The following STAB1 variants were observed in gnomAD, a reference collection of about 807,000 sequenced individuals.
STAB1 encodes the protein stabilin-1.
In STAB1, 250 loss-of-function variants were observed where a neutral mutation model predicts 332.4. The observed-to-expected ratio is 0.75, with a 90% CI of 0.68 to 0.84. STAB1 has a LOEUF of 0.84. Ranked by LOEUF, STAB1 falls within the 40% of genes least tolerant of loss-of-function variation. The probability of loss-of-function intolerance (pLI) is 0.00; values close to 1 mark genes in which losing one functional copy is unlikely to be tolerated. For synonymous variants in STAB1, 1,475 were observed against 1,390.4 expected, an observed-to-expected ratio of 1.06 and a Z score of -1.35; for missense variants, 3,249 against 3,489.7, an observed-to-expected ratio of 0.93 and a Z score of 1.74.
chr3:52,504,181 G>T (rs376558731), intron 10 of STAB1, 26 bp downstream of exon 10: 68 of 1,569,544 alleles, frequency 4.3e-5, no homozygotes, highest in Admixed American at 8.9e-5. Flanking sequence ...GCTTGCCCAC[G>T]ACCCGACCCC....
chr3:52,522,149 G>C lies in STAB1; in HGVS notation c.6384G>C (p.Trp2128Cys). The C allele has an allele frequency of 6.2e-7, 1 of 1,612,824 alleles. No individual in the cohort carries two copies. Among genetic ancestry groups the C allele is most frequent in the Non-Finnish European group, 8.5e-7 (1 of 1,179,998 alleles). ...TCLPDYEGDG[W>C]SCRARNPCTD... is the part of the protein sequence containing the mutation. ...TGCCCGACTACGAGGGTGATGGCTGGAGCTGCCGGGCCCGCAACCCCTGCA... is the reference window on the plus strand; with the variant it reads ...TGCCCGACTACGAGGGTGATGGCTGCAGCTGCCGGGCCCGCAACCCCTGCA... The change falls in exon 59 of 69, where the codon TGG becomes TGC. Residue 2128 changes from tryptophan (W) to cysteine (C), a missense_variant. Transcript: ENST00000321725.
In STAB1 at chr3:52,514,484, CCA is replaced by C; in HGVS notation, c.3669_3670del (p.His1223GlnfsTer5). 6.6e-7 allele frequency: 1 copy of C among 1,526,534 alleles called. No individual in the cohort carries two copies. The highest frequency in any genetic ancestry group is 8.8e-7 in the Non-Finnish European group (1 of 1,137,694). The allele number at this position is 1,526,534 out of a possible 1,614,324, so 94.6% of individuals were successfully genotyped here. ...GPAHWIVFYNHSGQPEVNHVP... is the reference protein window; with the variant it reads ...GPAHWIVFYNXSGQPEVNHVP... ...CTGCCCACTGGATCGTCTTCTACAA[CCA>C]CAGTGGCCAGGTTTGGGGGTCAGGG... On this transcript the variant is annotated frameshift_variant, in exon 34 of 69. Transcript: ENST00000321725. LOFTEE classifies it high-confidence loss of function.
In STAB1 at chr3:52,523,342, G is replaced by GTAAC; in HGVS notation, c.7140+2_7140+5dup. On this transcript the variant is annotated splice_donor_variant, in intron 64 of 68. Transcript: ENST00000321725. LOFTEE classifies it high-confidence loss of function. ...CAATGAAGGCTTTGTGGACAACATG[G>GTAAC]TAACCCCCAAGGGTGTGGGCAGAGC... 6.2e-7 allele frequency: 1 copy of GTAAC among 1,609,742 alleles called. No individual in the cohort carries two copies. Among genetic ancestry groups the GTAAC allele is most frequent in the Non-Finnish European group, 8.5e-7 (1 of 1,179,994 alleles).
At position 52,512,652 on chromosome 3, in the gene STAB1, G is replaced by T; in HGVS notation, c.3027+9G>T. 1 of 1,613,666 alleles carries T rather than the reference G, an allele frequency of 6.2e-7. No homozygotes were observed. The highest frequency in any genetic ancestry group is 8.5e-7 in the Non-Finnish European group (1 of 1,180,004). ...TCTACCAATGGCTTAAGGTAGGACA[G>T]GGCAGAATGCTGGGGTTGAGGGCTC... is the stretch of plus-strand genomic sequence containing the variant. On this transcript the variant is annotated intron_variant, in intron 28 of 68. Transcript: ENST00000321725.
chr3:52,508,161 G>C, intron 20 of STAB1, 112 bp from the exon 21 acceptor site: 2 of 1,368,750 alleles, frequency 1.5e-6, no homozygotes, highest in East Asian at 4.6e-5. Context: ...AGGGGTCCCA[G>C]AGAAACCTTA....
In STAB1 at chr3:52,502,597, C is replaced by T. The variant is rs1708532905; in HGVS notation, c.488-35C>T. The T allele has an allele frequency of 1.9e-6, 3 of 1,586,954 alleles. No individual in the cohort carries two copies. The East Asian group carries it at 6.8e-5, about 36-fold the overall frequency. ...TGTCCCAGTGTGTGCCTGGGAGAGG[C>T]TGGGGCCCCATCTGTCTCTGTGTGT... On this transcript the variant is annotated intron_variant, in intron 5 of 68. Transcript: ENST00000321725.
intron 1 of STAB1, 67 bp from the exon 2 acceptor site, chr3:52,501,099 A>G: frequency 6.3e-7 from 1 of 1,575,142 alleles, no homozygotes. Flanking sequence ...CCCTTGCAGC[A>G]CTGAGGACAG....
chr3:52,515,923 G>A (rs2078845516), intron 37 of STAB1, 120 bp from the exon 38 acceptor site: 2 of 1,138,296 alleles, frequency 1.8e-6, no homozygotes, highest in South Asian at 3.3e-5. Context: ...CTCATCCCTG[G>A]GACTGGGGTT....
intron 1 of STAB1, among the ~76,000 whole-genome samples, chr3:52,497,487 A>C (rs1708125682): frequency 7.5e-6 from 1 of 133,394 alleles, no homozygotes; most frequent in African/African-American, 2.9e-5. Context: ...ATCTCAGCTC[A>C]CTGCAACCTC....
intron 18 of STAB1, 131 bp downstream of exon 18, chr3:52,506,981 C>T (rs1708926098): frequency 8.0e-7 from 1 of 1,257,176 alleles, no homozygotes. Flanking sequence ...TGCTGGCAGA[C>T]TCCCAAGGAC....
At position 52,512,600 on chromosome 3, in the gene STAB1, T is replaced by C; in HGVS notation, c.2984T>C (p.Leu995Pro). ...FSCYGDIFRELEANAHFSIFY... is the reference protein window; with the variant it reads ...FSCYGDIFREPEANAHFSIFY... ...CAGACTTTTCCCTTCCCTTAGGAGC[T>C]GGAGGCAAATGCCCACTTCTCCATC... Residue 995 changes from leucine (L) to proline (P), a missense_variant, in exon 28 of 69, where the codon CTG (leucine) becomes CCG (proline). Transcript: ENST00000321725. 1.9e-6 allele frequency: 3 copies of C among 1,613,902 alleles called. No individual in the cohort carries two copies. The highest frequency in any genetic ancestry group is 2.5e-6 in the Non-Finnish European group (3 of 1,180,004).
chr3:52,504,990 T>C lies in STAB1; in HGVS notation c.1378-13T>C. 1.2e-6 allele frequency: 2 copies of C among 1,613,556 alleles called. No individual in the cohort carries two copies. The highest frequency in any genetic ancestry group is 8.5e-7 in the Non-Finnish European group (1 of 1,179,884). On this transcript the variant is annotated splice_polypyrimidine_tract_variant and intron_variant, in intron 12 of 68. Coordinates refer to ENST00000321725, the MANE Select transcript of STAB1 (RefSeq NM_015136.3). ...GCATATGGGATCTGGCCAGACCTCT[T>C]GTGTCTCACCAGAAATACTCCTACA... is the stretch of plus-strand genomic sequence containing the variant.
chr3:52,515,073 C>T (rs758580472), intron 36 of STAB1, 28 bp downstream of exon 36: 1 of 1,610,948 alleles, frequency 6.2e-7, no homozygotes, highest in South Asian at 1.1e-5. Flanking sequence ...GCAGCTCTGT[C>T]CCTGTGTTGC....
Position 52,507,922 on chromosome 3 carries a change from C to T in STAB1, c.2053-9C>T. On this transcript the variant is annotated splice_polypyrimidine_tract_variant and intron_variant, in intron 19 of 68. Transcript: ENST00000321725. ...CACCCACTGACTGGCTTTGCATGGC[C>T]CACCCTAGGACATCTTCCCCAAGGA... 4 of 1,611,980 alleles carry T rather than the reference C, an allele frequency of 2.5e-6. No individual in the cohort carries two copies. Among genetic ancestry groups the T allele is most frequent in the East Asian group, 2.2e-5 (1 of 44,876 alleles).
At chr3:52,506,125 G>T (rs768394129) in intron 16 of STAB1, 45 bp from the exon 17 acceptor site, 1 of 1,581,638 alleles carries the variant, frequency 6.3e-7, no homozygotes, top group South Asian at 1.1e-5. Context: ...TGGCCCCAAG[G>T]TATGGCCAGA....
At position 52,524,211 on chromosome 3, in the gene STAB1, G is replaced by A. The variant is rs746008224; in HGVS notation, c.7654G>A (p.Asp2552Asn). The A allele has an allele frequency of 1.2e-5, 20 of 1,613,952 alleles. No individual in the cohort carries two copies. Among genetic ancestry groups the A allele is most frequent in the East Asian group, 8.9e-5 (4 of 44,900 alleles). Reference sequence around the variant, plus strand: ...CAGCGACACCTTTTGTGAACCCTTCGATGTAAGCATGGAAGTGAAGAAGTG... The same window carrying A: ...CAGCGACACCTTTTGTGAACCCTTCAATGTAAGCATGGAAGTGAAGAAGTG... The part of the protein sequence containing the change: ...FGSDTFCEPF[D>N]DSLLEEDFPD... The change falls in exon 68 of 69, where the codon GAT (aspartate) becomes AAT (asparagine). Residue 2552 changes from aspartate to asparagine, a missense_variant and splice_region_variant. By Grantham distance (23) the Asp-to-Asn change is conservative. Transcript: ENST00000321725.
At chr3:52,498,581 G>A (rs73837599) in intron 1 of STAB1, among the ~76,000 whole-genome samples, 2,938 of 152,312 alleles carry the variant, frequency 0.019, 97 homozygotes, top group African/African-American at 0.067. Context: ...CTTCCTTCTG[G>A]GCCCTAACTC....
rs749447701 is a variant in STAB1, at chr3:52,514,739, G to T, written c.3717G>T (p.Leu1239=). The T allele has an allele frequency of 1.3e-5, 21 of 1,613,082 alleles. No homozygotes were observed. In the South Asian group the frequency reaches 2.2e-4, roughly 17 times the overall value. The part of the protein sequence containing the change: ...VNHVPLEGPM[L]EAPGRSLIGL... ...ATGTGCCACTGGAAGGCCCCATGCT[G>T]GAGGCCCCTGGCCGCTCGCTGATTG... Residue 1239 remains leucine, a synonymous_variant, in exon 35 of 69, where the codon CTG becomes CTT. Transcript: ENST00000321725.
chr3:52,512,556 GC>G (rs1472732954), intron 27 of STAB1, 39 bp from the exon 28 acceptor site: 5 of 1,613,810 alleles, frequency 3.1e-6, no homozygotes, highest in Middle Eastern at 1.7e-4. Context: ...GCTTGAATTT[GC>G]CCCTGGTCCT....
Sources: gnomAD v4.1 joint callset for allele counts (sites outside exome capture counted in the v4.1 genomes callset) on GRCh38, gnomAD v4.1.1 for gene constraint, MANE v1.5 for transcripts, NCBI Gene and HGNC (gene_info 2026-07-23, HGNC 2026-07-21) for gene names.